SRI: variants seen among roughly 807,000 people sequenced by gnomAD.
SRI encodes the protein 22 kDa protein.
A neutral mutation model predicts 33.3 loss-of-function variants in SRI; 30 were observed. The observed-to-expected ratio is 0.90, with a 90% CI of 0.67 to 1.22. The LOEUF is 1.22. SRI is among the 50% of genes most tolerant of loss of function. The pLI is 0.00. For missense variants in SRI, 243 were observed against 250.8 expected (o/e 0.97, Z 0.21); for synonymous variants, 75 against 89.9 (o/e 0.83, Z 0.94).
intron 2 of SRI, among the ~76,000 whole-genome samples, chr7:88,217,540 A>C (rs778330420): frequency 4.3e-4 from 66 of 152,344 alleles, no homozygotes; most frequent in Admixed American, 8.5e-4. Flanking sequence ...GGCTTGGTTC[A>C]AACAGAAAAA....
In SRI at chr7:88,205,201, C is replaced by T. The variant is rs1475139362; in HGVS notation, c.*1277G>A. 6.6e-6 allele frequency: 1 copy of T among 152,182 alleles called. No homozygotes were observed. Among genetic ancestry groups the T allele is most frequent in the Non-Finnish European group, 1.5e-5 (1 of 68,030 alleles). 9.4% of individuals were successfully genotyped at this position (152,182 alleles called of 1,614,324 possible). A position where few individuals can be genotyped will look rare whatever the true frequency, so the allele number is the denominator to read the frequency against. On this transcript the variant is annotated 3_prime_UTR_variant, in exon 8 of 8. Transcript: ENST00000265729. ...TTTCACACTGCATCCTAAAATAAGACAGATACTCTGCTGGCAAGTAGAAAA... is the reference window on the plus strand; with the variant it reads ...TTTCACACTGCATCCTAAAATAAGATAGATACTCTGCTGGCAAGTAGAAAA...
chr7:88,221,794 C>T (rs917539115), upstream of SRI, among the ~76,000 whole-genome samples: 3 of 150,362 alleles, frequency 2.0e-5, no homozygotes, highest in African/African-American at 7.4e-5. Flanking sequence ...CCCACTAACT[C>T]GTCATCTAGC....
At chr7:88,210,647 T>G in intron 4 of SRI, 1 of 503,718 alleles carries the variant, frequency 2.0e-6, no homozygotes, top group East Asian at 3.6e-5. Flanking sequence ...CTGGACTCTG[T>G]ACTTGTTCTA....
chr7:88,210,615 G>GA (rs1298661437), intron 4 of SRI: 5 of 432,492 alleles, frequency 1.2e-5, no homozygotes, highest in East Asian at 4.4e-5. Context: ...CAATGTTAAA[G>GA]AAAAAAAGCT....
chr7:88,217,356 T>C (rs1339945685), intron 2 of SRI, among the ~76,000 whole-genome samples, 165 bp from the exon 3 acceptor site: 2 of 152,250 alleles, frequency 1.3e-5, no homozygotes, highest in Admixed American at 1.3e-4. Context: ...AAGTGGGCAT[T>C]CTTTTCCTTA....
intron 7 of SRI, 76 bp from the exon 8 acceptor site, chr7:88,206,580 T>G: frequency 6.3e-7 from 1 of 1,574,818 alleles, no homozygotes; most frequent in Non-Finnish European, 8.7e-7. Context: ...CAGCTTACAT[T>G]TGGTTTTCTA....
At chr7:88,221,249 A>T (rs1209241626), upstream of SRI, among the ~76,000 whole-genome samples, 1 of 152,126 alleles carries the variant, frequency 6.6e-6, no homozygotes, top group Non-Finnish European at 1.5e-5. Context: ...CATTCGGTTC[A>T]TTGTTTTTCT....
chr7:88,213,210 T>C (rs1851622317), intron 3 of SRI, among the ~76,000 whole-genome samples: 1 of 152,124 alleles, frequency 6.6e-6, no homozygotes, highest in African/African-American at 2.4e-5. Flanking sequence ...TACTTCCATG[T>C]CCCCCAATTT....
At chr7:88,220,118 G>C (rs1269421736), upstream of SRI, 6 of 1,384,434 alleles carry the variant, frequency 4.3e-6, no homozygotes, top group Non-Finnish European at 4.6e-6. Flanking sequence ...GGCCGCCCCA[G>C]AGCGCACCAC....
chr7:88,220,214 T>C, upstream of SRI: 1 of 1,312,350 alleles, frequency 7.6e-7, no homozygotes, highest in South Asian at 2.2e-5. Flanking sequence ...CGCTTCTTCG[T>C]ATCTTTGCCA....
intron 7 of SRI, 112 bp downstream of exon 7, chr7:88,208,395 T>A (rs1425212409): frequency 2.0e-5 from 30 of 1,493,598 alleles, no homozygotes; most frequent in African/African-American, 2.8e-5. Flanking sequence ...TTGAATCCCT[T>A]ATGTCTCTGG....
At chr7:88,210,666 TG>T in intron 4 of SRI, 7 of 541,144 alleles carry the variant, frequency 1.3e-5, no homozygotes, top group Non-Finnish European at 2.3e-5. Context: ...TATAATACTC[TG>T]ATGTTTCCTT....
upstream of SRI, among the ~76,000 whole-genome samples, chr7:88,222,386 G>A (rs2115824967): frequency 6.8e-6 from 1 of 147,968 alleles, no homozygotes; most frequent in Non-Finnish European, 1.5e-5. Context: ...CATTCTAACT[G>A]GTGTGAGATG....
At chr7:88,220,773 G>A (rs531992582), upstream of SRI, among the ~76,000 whole-genome samples, 4 of 152,218 alleles carry the variant, frequency 2.6e-5, no homozygotes, top group African/African-American at 9.6e-5. Context: ...TGAATTATCT[G>A]GATGATTCAG....
chr7:88,224,678 C>T (rs969335231), upstream of SRI, among the ~76,000 whole-genome samples: 4 of 152,036 alleles, frequency 2.6e-5, no homozygotes, highest in Admixed American at 6.6e-5. Flanking sequence ...TTGAACTGTC[C>T]GGAGTAAGAG....
At chr7:88,220,145 C>T, upstream of SRI, 4 of 1,342,824 alleles carry the variant, frequency 3.0e-6, no homozygotes, top group Non-Finnish European at 3.8e-6. Flanking sequence ...GTGGGGGACG[C>T]GCTCCGCAGT....
Position 88,219,968 on chromosome 7 carries a change from G to A in SRI, c.51+8C>T, listed in dbSNP as rs1199964380. Reference sequence around the variant, plus strand: ...CCTGGGCCGCGATCCCGCGCAGTCAGCACTTACCCCGCCTGGGTAGTACCC... The same window carrying A: ...CCTGGGCCGCGATCCCGCGCAGTCAACACTTACCCCGCCTGGGTAGTACCC... On this transcript the variant is annotated splice_region_variant and intron_variant, in intron 1 of 7. Coordinates refer to ENST00000265729, the MANE Select transcript of SRI (RefSeq NM_003130.4). 2 of 1,540,162 alleles carry A rather than the reference G, an allele frequency of 1.3e-6. No homozygotes were observed. The highest frequency in any genetic ancestry group is 1.4e-5 in the African/African-American group (1 of 72,016).
At chr7:88,219,835 G>T in intron 1 of SRI, 141 bp downstream of exon 1, 2 of 1,038,458 alleles carry the variant, frequency 1.9e-6, no homozygotes, top group Non-Finnish European at 2.7e-6. Context: ...GCGAGGCCGC[G>T]AGCGCAGGGA....
chr7:88,219,366 GGAAGAGTAAGGT>G (rs2115805942), intron 1 of SRI: 4 of 236,514 alleles, frequency 1.7e-5, no homozygotes, highest in Non-Finnish European at 8.5e-6. Flanking sequence ...TGTAGCCTAG[GGAAGAGTAAGGT>G]GTCCGGCCGG....
Sources: gnomAD v4.1 joint callset for allele counts (sites outside exome capture counted in the v4.1 genomes callset) on GRCh38, gnomAD v4.1.1 for gene constraint, MANE v1.5 for transcripts, NCBI Gene and HGNC (gene_info 2026-07-23, HGNC 2026-07-21) for gene names.